The following BTD variants were observed in gnomAD, a reference collection of about 807,000 sequenced individuals.
BTD encodes the protein biocytinase.
Under a neutral mutation model 17.7 loss-of-function variants are expected in BTD, and 13 were observed. The observed-to-expected ratio is 0.74, with a 90% CI of 0.48 to 1.17. The LOEUF (loss-of-function observed/expected upper bound fraction) is 1.17, where lower values mean the gene tolerates loss of function less well. Ranked by LOEUF, BTD falls within the 50% of genes most tolerant of loss-of-function variation. The pLI, the probability that BTD is intolerant of heterozygous loss-of-function variation, is 0.00. For missense variants in BTD, 674 were observed against 650.4 expected, an observed-to-expected ratio of 1.04 and a Z score of -0.39; for synonymous variants, 240 against 245.2, an observed-to-expected ratio of 0.98 and a Z score of 0.20.
intron 3 of BTD, among the ~76,000 whole-genome samples, chr3:15,694,040 G>C (rs558042135): frequency 6.6e-6 from 1 of 152,164 alleles, no homozygotes; most frequent in African/African-American, 2.4e-5. Context: ...CTGGTCTCCT[G>C]ATTCTCAAAG....
Position 15,601,786 on chromosome 3 carries a change from CTG to C in BTD, c.-124_-123del, listed in dbSNP as rs748149505. ...TGCAAAGCAGGTAAGAAGCCGAACT[CTG>C]AGGCCTCTCGCCATTGTCTCCGAGT... On this transcript the variant is annotated 5_prime_UTR_variant, in exon 1 of 4. Coordinates refer to ENST00000643237, the MANE Select transcript of BTD (RefSeq NM_001370658.1). The C allele has an allele frequency of 6.2e-7, 1 of 1,613,440 alleles. No individual in the cohort carries two copies. The highest frequency in any genetic ancestry group is 8.5e-7 in the Non-Finnish European group (1 of 1,179,768).
chr3:15,601,579 G>T (rs775663660), upstream of BTD: 2 of 1,593,980 alleles, frequency 1.3e-6, no homozygotes, highest in South Asian at 2.2e-5. Context: ...TGACGGACAG[G>T]AGGGCAACCA....
At chr3:15,679,518 T>C in intron 3 of BTD, 2 of 1,613,824 alleles carry the variant, frequency 1.2e-6, no homozygotes, top group Non-Finnish European at 8.5e-7. Flanking sequence ...TTCCGTTTTC[T>C]GGAAAACTTC....
rs566866383 is a variant in BTD, at chr3:15,641,841, A to C, written c.250-67A>C. On this transcript the variant is annotated intron_variant, in intron 2 of 3. Coordinates refer to ENST00000643237, the MANE Select transcript of BTD (RefSeq NM_001370658.1). ...GGTTGCCAAAAGAATGAACAGAAGA[A>C]TGAATGAATGCAGCGGTTCTTCCTG... 7.9e-5 allele frequency: 95 copies of C among 1,198,766 alleles called. No individual in the cohort carries two copies. In the African/African-American group the frequency reaches 1.3e-3, roughly 16 times the overall value. 74.3% of individuals were successfully genotyped at this position (1,198,766 alleles called of 1,614,324 possible).
rs551247874 is a variant in BTD, at chr3:15,646,441, G to C, written c.*953G>C. 6.6e-6 allele frequency: 1 copy of C among 152,340 alleles called. No individual in the cohort carries two copies. The highest frequency in any genetic ancestry group is 2.4e-5 in the African/African-American group (1 of 41,562). 9.4% of individuals were successfully genotyped at this position (152,340 alleles called of 1,614,324 possible). A position where few individuals can be genotyped will look rare whatever the true frequency, so the allele number is the denominator to read the frequency against. ...CCCATAGAGATAAGTTGCAGGGACT[G>C]CCGTGAAGGGCATGAAGGGTGGCCC... is the stretch of plus-strand genomic sequence containing the variant. On this transcript the variant is annotated 3_prime_UTR_variant, in exon 4 of 4. Coordinates refer to ENST00000643237, the MANE Select transcript of BTD (RefSeq NM_001370658.1).
chr3:15,671,357 A>C (rs1297445115), intron 3 of BTD, among the ~76,000 whole-genome samples: 1 of 152,198 alleles, frequency 6.6e-6, no homozygotes. Flanking sequence ...TGTGATGCCA[A>C]GCTTCAATTA....
At chr3:15,688,940 T>C (rs2068465110) in intron 3 of BTD, among the ~76,000 whole-genome samples, 2 of 152,250 alleles carry the variant, frequency 1.3e-5, no homozygotes, top group Admixed American at 6.5e-5. Context: ...AATGAAAGAT[T>C]ATACCAATCC....
intron 1 of BTD, among the ~76,000 whole-genome samples, chr3:15,612,527 A>G (rs2064666678): frequency 6.6e-6 from 1 of 152,132 alleles, no homozygotes; most frequent in South Asian, 2.1e-4. Context: ...TTAGCTTCCC[A>G]AATGATTCTT....
exon 4 of BTD, among the ~76,000 whole-genome samples, chr3:15,711,648 C>T (rs868364429): frequency 1.3e-5 from 2 of 151,818 alleles, no homozygotes; most frequent in African/African-American, 4.8e-5. Context: ...TGGAGATTAA[C>T]TGCTAATGGT....
At chr3:15,623,298 A>G (rs1330850244) in intron 1 of BTD, among the ~76,000 whole-genome samples, 1 of 152,230 alleles carries the variant, frequency 6.6e-6, no homozygotes, top group Non-Finnish European at 1.5e-5. Context: ...GTGTCTTTAT[A>G]AAGTGGGTTT....
chr3:15,646,416 C>T lies in BTD; in HGVS notation c.*928C>T. 1 of 152,310 alleles carries T rather than the reference C, an allele frequency of 6.6e-6. No individual in the cohort carries two copies. Among genetic ancestry groups the T allele is most frequent in the Non-Finnish European group, 1.5e-5 (1 of 68,054 alleles). 9.4% of individuals were successfully genotyped at this position (152,310 alleles called of 1,614,324 possible). A position where few individuals can be genotyped will look rare whatever the true frequency, so the allele number is the denominator to read the frequency against. On this transcript the variant is annotated 3_prime_UTR_variant, in exon 4 of 4. Coordinates refer to ENST00000643237, the MANE Select transcript of BTD (RefSeq NM_001370658.1). ...GTTGCTTTGCAGCGATGCCTGGCAC[C>T]CCATAGAGATAAGTTGCAGGGACTG... is the stretch of plus-strand genomic sequence containing the variant.
At chr3:15,715,881 A>C (rs1174301068), downstream of BTD, among the ~76,000 whole-genome samples, 2 of 152,168 alleles carry the variant, frequency 1.3e-5, no homozygotes, top group Admixed American at 6.5e-5. Flanking sequence ...AACCAGAAAA[A>C]AAAAGGGCAA....
At chr3:15,616,486 G>T (rs2064796329) in intron 1 of BTD, among the ~76,000 whole-genome samples, 1 of 151,990 alleles carries the variant, frequency 6.6e-6, no homozygotes, top group South Asian at 2.1e-4. Flanking sequence ...CGTGGTGGCA[G>T]GCGCCTGTAA....
In BTD at chr3:15,676,976, T is replaced by C. The variant is rs776178856; in HGVS notation, c.400-33084T>C. The C allele has an allele frequency of 8.1e-6, 13 of 1,612,280 alleles. No homozygotes were observed. The Admixed American group carries it at 1.2e-4, about 14-fold the overall frequency. On this transcript the variant is annotated intron_variant, in intron 3 of 3. Coordinates refer to the BTD transcript ENST00000672141. ...TACTAGATACTGACAGTACTCACGT[T>C]TGCAAGGCTGCGTTGGTTGCATTGA...
rs397514372 is a variant in BTD at position 15,644,443 on chromosome 3, C to G, written c.527C>G (p.Thr176Arg). Residue 176 changes from threonine (T) to arginine (R), a missense_variant, in exon 4 of 4, where the codon ACA (threonine) becomes AGA (arginine). Coordinates refer to ENST00000643237, the MANE Select transcript of BTD (RefSeq NM_001370658.1). ...CPKDGRYQFN[T>R]NVVFSNNGTL... ...AAAGATGGGAGATACCAGTTCAACACAAATGTCGTGTTCAGCAATAATGGA... is the reference window on the plus strand; with the variant it reads ...AAAGATGGGAGATACCAGTTCAACAGAAATGTCGTGTTCAGCAATAATGGA... 6.2e-7 allele frequency: 1 copy of G among 1,614,160 alleles called. No homozygotes were observed.
chr3:15,663,816 ACTCTT>A (rs1193452742), intron 3 of BTD, among the ~76,000 whole-genome samples: 1 of 151,212 alleles, frequency 6.6e-6, no homozygotes, highest in East Asian at 1.9e-4. Context: ...ATTGATTTCT[ACTCTT>A]AATTCTTGTC....
chr3:15,698,606 A>G (rs907301673), intron 3 of BTD, among the ~76,000 whole-genome samples: 1 of 152,222 alleles, frequency 6.6e-6, no homozygotes, highest in Non-Finnish European at 1.5e-5. Context: ...ACAGACAAAC[A>G]GAGAGCCAAA....
At chr3:15,641,324 A>C (rs893299706) in intron 2 of BTD, among the ~76,000 whole-genome samples, 3 of 152,180 alleles carry the variant, frequency 2.0e-5, no homozygotes, top group African/African-American at 7.2e-5. Context: ...AGTGGATCCT[A>C]ACCTTGGCTA....
chr3:15,693,628 A>G (rs1360150841), intron 3 of BTD, among the ~76,000 whole-genome samples: 4 of 151,014 alleles, frequency 2.6e-5, no homozygotes, highest in Non-Finnish European at 5.9e-5. Flanking sequence ...TGCTGCTGCT[A>G]ATGCTGCTCA....
Sources: gnomAD v4.1 joint callset for allele counts (sites outside exome capture counted in the v4.1 genomes callset) on GRCh38, gnomAD v4.1.1 for gene constraint, MANE v1.5 for transcripts, NCBI Gene and HGNC (gene_info 2026-07-23, HGNC 2026-07-21) for gene names.